TXNRD2: variants seen among roughly 807,000 people sequenced by gnomAD.
The protein encoded by TXNRD2 is thioredoxin reductase 2, mitochondrial.
TXNRD2 carries 67 observed loss-of-function variants against 70.8 expected under a neutral mutation model. That is an observed-to-expected ratio of 0.95 (90% CI 0.78 to 1.16). The LOEUF (loss-of-function observed/expected upper bound fraction) is 1.16, where lower values mean the gene tolerates loss of function less well. Among genes scored for constraint, TXNRD2 ranks in the 50% most tolerant of loss-of-function variants. The pLI is 0.00. For missense variants in TXNRD2, 644 were observed against 719.9 expected (o/e 0.89, Z 1.21); for synonymous variants, 301 against 295.8 (o/e 1.02, Z -0.18).
At position 19,937,780 on chromosome 22, in the gene TXNRD2, G is replaced by A. The variant is rs150487568; in HGVS notation, c.103+3921C>T. Among the ~76,000 whole-genome samples the A allele has an allele frequency of 7.9e-3, 1,199 of 152,290 alleles. 5 individuals are homozygous for A. The highest frequency in any genetic ancestry group is 0.016 in the Admixed American group (250 of 15,306). The stretch of plus-strand genomic sequence containing the variant: ...AATGCTCCTGCTACTGTTTGCCTGC[G>A]TTGTCGTAAGGGTAAACATTGGGCA... On this transcript the variant is annotated intron_variant, in intron 1 of 17. Transcript: ENST00000400521.
intron 10 of TXNRD2, among the ~76,000 whole-genome samples, chr22:19,897,476 T>C (rs1939561180): frequency 6.6e-6 from 1 of 152,170 alleles, no homozygotes; most frequent in Admixed American, 6.5e-5. Context: ...ATTGCTCCAA[T>C]CTAGGAGCTC....
At chr22:19,901,014 C>T (rs571760157) in intron 8 of TXNRD2, among the ~76,000 whole-genome samples, 6 of 152,358 alleles carry the variant, frequency 3.9e-5, no homozygotes, top group South Asian at 2.1e-4. Context: ...CCCTGAAGGC[C>T]AACCCTTCTC....
At chr22:19,904,259 T>G (rs1269240130) in intron 8 of TXNRD2, among the ~76,000 whole-genome samples, 1 of 152,206 alleles carries the variant, frequency 6.6e-6, no homozygotes, top group Non-Finnish European at 1.5e-5. Context: ...CACGTCTTCC[T>G]CACCCTCCTA....
chr22:19,900,615 C>T (rs1939730714), intron 8 of TXNRD2, among the ~76,000 whole-genome samples: 1 of 151,970 alleles, frequency 6.6e-6, no homozygotes, highest in African/African-American at 2.4e-5. Flanking sequence ...CTGAGCATGG[C>T]GATGTGCGCC....
intron 9 of TXNRD2, 108 bp downstream of exon 9, chr22:19,898,941 C>T (rs934183595): frequency 1.7e-5 from 25 of 1,430,516 alleles, no homozygotes; most frequent in East Asian, 2.3e-5. Context: ...CAGTAAGTGC[C>T]GATCTGAGGC....
At chr22:19,905,348 T>C (rs1939962191) in intron 8 of TXNRD2, among the ~76,000 whole-genome samples, 1 of 152,206 alleles carries the variant, frequency 6.6e-6, no homozygotes, top group African/African-American at 2.4e-5. Flanking sequence ...ATGTTTTTTT[T>C]CTGAAGAAAA....
chr22:19,905,184 A>AT (rs1939952259), intron 8 of TXNRD2, among the ~76,000 whole-genome samples: 1 of 152,176 alleles, frequency 6.6e-6, no homozygotes, highest in South Asian at 2.1e-4. Context: ...GTACAGGGAT[A>AT]TATCTCCAGC....
intron 7 of TXNRD2, among the ~76,000 whole-genome samples, chr22:19,914,388 T>G (rs1940541785): frequency 6.6e-6 from 1 of 152,192 alleles, no homozygotes. Context: ...GTGTGGTCTA[T>G]CCATACAATG....
At chr22:19,886,655 G>C (rs918157428) in intron 11 of TXNRD2, among the ~76,000 whole-genome samples, 1 of 152,246 alleles carries the variant, frequency 6.6e-6, no homozygotes, top group African/African-American at 2.4e-5. Context: ...AAGGGTGCCT[G>C]CACCGGTGTC....
intron 8 of TXNRD2, among the ~76,000 whole-genome samples, chr22:19,908,986 C>A (rs5993863): frequency 0.13 from 19,279 of 152,108 alleles, 1,323 homozygotes; most frequent in East Asian, 0.23. Flanking sequence ...AGGTGGATCA[C>A]CTGAGGTCAG....
intron 7 of TXNRD2, 118 bp downstream of exon 7, chr22:19,915,096 A>T: frequency 1.1e-6 from 1 of 911,446 alleles, no homozygotes; most frequent in Admixed American, 2.0e-5. Flanking sequence ...GATAGTGAGT[A>T]TAGGGGGAAA....
chr22:19,882,808 A>G (rs73383823), intron 12 of TXNRD2, among the ~76,000 whole-genome samples: 2,135 of 152,338 alleles, frequency 0.014, 50 homozygotes, highest in African/African-American at 0.049. Flanking sequence ...AAAGACTGGC[A>G]CCGGTCTCCA....
chr22:19,880,431 A>G (rs1938714446), intron 13 of TXNRD2, among the ~76,000 whole-genome samples, 160 bp from the exon 14 acceptor site: 1 of 151,968 alleles, frequency 6.6e-6, no homozygotes, highest in Non-Finnish European at 1.5e-5. Flanking sequence ...CCTGCGCCAC[A>G]CTCTCAGAAC....
chr22:19,910,046 G>A (rs1345869022), intron 8 of TXNRD2, among the ~76,000 whole-genome samples: 1 of 146,550 alleles, frequency 6.8e-6, no homozygotes, highest in South Asian at 2.2e-4. Flanking sequence ...ACACAGAAGT[G>A]GGACCCTTTT....
rs1432445073 is a variant in TXNRD2, at chr22:19,895,196, A to G, written c.949+211T>C. The G allele has an allele frequency of 3.8e-6, 6 of 1,598,228 alleles. No individual in the cohort carries two copies. In the Admixed American group the frequency reaches 1.0e-4, roughly 27 times the overall value. ...TGGTGGGGAGACACGCAGAGATGCAAGGTGCTGGGGATGGCAAGATGGGCA... is the reference window on the plus strand; with the variant it reads ...TGGTGGGGAGACACGCAGAGATGCAGGGTGCTGGGGATGGCAAGATGGGCA... On this transcript the variant is annotated intron_variant, in intron 11 of 17. Coordinates refer to ENST00000400521, the MANE Select transcript of TXNRD2 (RefSeq NM_006440.5).
chr22:19,937,588 C>T (rs1312836273), intron 1 of TXNRD2, among the ~76,000 whole-genome samples: 34 of 152,184 alleles, frequency 2.2e-4, no homozygotes, highest in Admixed American at 2.2e-3. Context: ...GGATCGGAGA[C>T]CCACAGAGCT....
rs1266704601 is a variant in TXNRD2 at position 19,880,176 on chromosome 22, C to G, written c.1275+3G>C. On this transcript the variant is annotated splice_donor_region_variant and intron_variant, in intron 14 of 17. Transcript: ENST00000400521. The stretch of plus-strand genomic sequence containing the variant: ...CCTCAGCTGTGCTGCTCCCAGGCCT[C>G]ACCTCAACATGCTCCTGCCCGTGGC... The G allele has an allele frequency of 6.2e-7, 1 of 1,612,850 alleles. No homozygotes were observed. The highest frequency in any genetic ancestry group is 1.1e-5 in the South Asian group (1 of 91,090).
At chr22:19,920,517 AG>A (rs2146053445) in intron 2 of TXNRD2, among the ~76,000 whole-genome samples, 1 of 152,102 alleles carries the variant, frequency 6.6e-6, no homozygotes, top group East Asian at 1.9e-4. Context: ...CAAGAGGCAG[AG>A]GCTGCAGTGA....
intron 5 of TXNRD2, 134 bp from the exon 6 acceptor site, chr22:19,915,977 G>C (rs1940621375): frequency 2.6e-6 from 2 of 765,842 alleles, no homozygotes; most frequent in Admixed American, 2.1e-5. Flanking sequence ...GATGGACCAA[G>C]AGGTAAGCGG....
Sources: allele counts gnomAD v4.1 joint callset (sites outside exome capture counted in the v4.1 genomes callset), GRCh38; gene constraint gnomAD v4.1.1; transcripts MANE v1.5; gene names NCBI Gene and HGNC (gene_info 2026-07-23, HGNC 2026-07-21).